ERBB4: variants seen among roughly 807,000 people sequenced by gnomAD.
ERBB4 encodes erb-b2 receptor tyrosine kinase 4, also known as receptor tyrosine-protein kinase erbB-4.
A neutral mutation model predicts 158.0 loss-of-function variants in ERBB4; 42 were observed. The observed-to-expected ratio is 0.27, with a 90% CI of 0.21 to 0.34. ERBB4 has a LOEUF of 0.34. Ranked by LOEUF, ERBB4 falls within the 10% of genes least tolerant of loss-of-function variation. ERBB4 has a pLI of 1.00. For missense variants in ERBB4, 1,333 were observed against 1,624.1 expected (o/e 0.82, Z 3.08); for synonymous variants, 583 against 558.7 (o/e 1.04, Z -0.61).
intron 19 of ERBB4, among the ~76,000 whole-genome samples, chr2:211,585,124 G>A (rs189314881): frequency 3.9e-5 from 6 of 151,980 alleles, no homozygotes; most frequent in African/African-American, 1.2e-4. Flanking sequence ...AGGCCGAGGC[G>A]GGCGGATCAC....
Position 211,894,561 on chromosome 2 carries a change from TA to T in ERBB4, c.421+52868del, listed in dbSNP as rs201066895. 4.4e-3 allele frequency among the ~76,000 whole-genome samples: 662 copies of T among 149,884 alleles called. 3 individuals carry two copies. Among genetic ancestry groups the T allele is most frequent in the Non-Finnish European group, 5.7e-3 (384 of 67,318 alleles). Reference sequence around the variant, plus strand: ...ATGTACCCTAAAACTTAAAGTATAATAAAAAAAAAATTCATTTCACTAAACT... The same window carrying T: ...ATGTACCCTAAAACTTAAAGTATAATAAAAAAAAATTCATTTCACTAAACT... On this transcript the variant is annotated intron_variant, in intron 3 of 27. Coordinates refer to ENST00000342788, the MANE Select transcript of ERBB4 (RefSeq NM_005235.3).
intron 1 of ERBB4, among the ~76,000 whole-genome samples, chr2:212,206,479 C>A (rs1033711242): frequency 1.1e-4 from 17 of 151,768 alleles, no homozygotes; most frequent in Non-Finnish European, 2.4e-4. Context: ...TATTTAAAAT[C>A]TCATTATTAT....
At chr2:211,570,848 C>G (rs1282903125) in intron 19 of ERBB4, among the ~76,000 whole-genome samples, 1 of 152,026 alleles carries the variant, frequency 6.6e-6, no homozygotes, top group Non-Finnish European at 1.5e-5. Flanking sequence ...TAAATTCTTA[C>G]CCCTCAAATT....
chr2:212,336,771 T>C (rs1242325962), intron 1 of ERBB4, among the ~76,000 whole-genome samples: 1 of 152,110 alleles, frequency 6.6e-6, no homozygotes, highest in Non-Finnish European at 1.5e-5. Flanking sequence ...CACTTTGCAC[T>C]GAGATTAGGC....
intron 1 of ERBB4, among the ~76,000 whole-genome samples, chr2:212,207,416 C>T (rs12468821): frequency 0.68 from 103,542 of 152,046 alleles, 35,520 homozygotes; most frequent in East Asian, 0.81. Flanking sequence ...GCATCTGTTT[C>T]TATATGATAA....
intron 3 of ERBB4, among the ~76,000 whole-genome samples, chr2:211,790,311 G>T (rs2076252602): frequency 6.6e-6 from 1 of 151,604 alleles, no homozygotes; most frequent in Admixed American, 6.6e-5. Context: ...ATTTAGAAAA[G>T]TTCTACTTAA....
intron 1 of ERBB4, among the ~76,000 whole-genome samples, chr2:212,455,363 A>T (rs1688233747): frequency 1.6e-5 from 2 of 123,530 alleles, no homozygotes; most frequent in African/African-American, 5.1e-5. Flanking sequence ...TCCTAATCTT[A>T]TCGTTTTCTC....
intron 1 of ERBB4, among the ~76,000 whole-genome samples, chr2:212,166,167 T>C (rs1265411673): frequency 1.3e-5 from 2 of 151,998 alleles, no homozygotes; most frequent in African/African-American, 4.8e-5. Context: ...TTAAAGAAAA[T>C]AGACACAGTC....
chr2:211,887,047 T>C (rs973780854), intron 3 of ERBB4, among the ~76,000 whole-genome samples: 2 of 152,194 alleles, frequency 1.3e-5, no homozygotes, highest in African/African-American at 4.8e-5. Flanking sequence ...TTTTTGGACT[T>C]TTTTTCTTAT....
chr2:212,329,687 C>G (rs1439524638), intron 1 of ERBB4, among the ~76,000 whole-genome samples: 2 of 152,010 alleles, frequency 1.3e-5, no homozygotes, highest in Non-Finnish European at 2.9e-5. Flanking sequence ...AAGTGGGCAG[C>G]CAGGTTTGTA....
At chr2:212,169,983 T>C (rs939059507) in intron 1 of ERBB4, among the ~76,000 whole-genome samples, 5 of 152,112 alleles carry the variant, frequency 3.3e-5, no homozygotes, top group Non-Finnish European at 5.9e-5. Flanking sequence ...TGAAATGGAC[T>C]AAAACAGTAA....
In ERBB4 at chr2:212,320,507, C is replaced by T. The variant is rs1046682144; in HGVS notation, c.83-195604G>A. 3.9e-4 allele frequency among the ~76,000 whole-genome samples: 23 copies of T among 59,490 alleles called. 2 individuals carry two copies. The highest frequency in any genetic ancestry group is 6.4e-4 in the Non-Finnish European group (16 of 24,820). The allele number at this position is 59,490 out of a possible 152,430, so 39.0% of individuals were successfully genotyped here. The stretch of plus-strand genomic sequence containing the variant: ...ACAGGACTAAAGGAAAATGTATTTA[C>T]ATGACAGAAAAAAAAAAACAACACA... On this transcript the variant is annotated intron_variant, in intron 1 of 27. Coordinates refer to ENST00000342788, the MANE Select transcript of ERBB4 (RefSeq NM_005235.3).
intron 2 of ERBB4, among the ~76,000 whole-genome samples, chr2:211,971,417 A>G (rs574680829): frequency 6.6e-6 from 1 of 152,264 alleles, no homozygotes; most frequent in South Asian, 2.1e-4. Context: ...AGTAATAAAT[A>G]TCCTACAAGC....
chr2:211,751,296 TCTC>T (rs2075124333), intron 4 of ERBB4, among the ~76,000 whole-genome samples: 1 of 152,170 alleles, frequency 6.6e-6, no homozygotes, highest in Non-Finnish European at 1.5e-5. Flanking sequence ...TAAGCCTTAA[TCTC>T]CTATAGTGGC....
intron 1 of ERBB4, among the ~76,000 whole-genome samples, chr2:212,269,715 G>A (rs1237419138): frequency 6.6e-6 from 1 of 151,790 alleles, no homozygotes; most frequent in East Asian, 1.9e-4. Context: ...TAATACTCAA[G>A]TCTAGTTTCT....
chr2:212,347,292 A>G (rs1410602723), intron 1 of ERBB4, among the ~76,000 whole-genome samples: 3 of 152,104 alleles, frequency 2.0e-5, no homozygotes, highest in Admixed American at 2.0e-4. Flanking sequence ...TAGTTATTTC[A>G]GAAGTGTCCA....
At chr2:212,394,135 A>G (rs1274885528) in intron 1 of ERBB4, among the ~76,000 whole-genome samples, 1 of 152,086 alleles carries the variant, frequency 6.6e-6, no homozygotes, top group South Asian at 2.1e-4. Context: ...TTTAAATTCT[A>G]TTTGTTACAG....
At chr2:211,775,892 T>TAA (rs1375883183) in intron 4 of ERBB4, among the ~76,000 whole-genome samples, 1 of 152,180 alleles carries the variant, frequency 6.6e-6, no homozygotes, top group African/African-American at 2.4e-5. Context: ...TGTGTATACT[T>TAA]ATGCTTAATC....
In ERBB4 at chr2:211,593,598, T is replaced by C. The variant is rs542684090; in HGVS notation, c.2301+25579A>G. Reference sequence around the variant, plus strand: ...TCTGTCTTGCATTATTCTAAGTATCTTAGCTTCTCCCATCAAATGCAGTTA... The same window carrying C: ...TCTGTCTTGCATTATTCTAAGTATCCTAGCTTCTCCCATCAAATGCAGTTA... On this transcript the variant is annotated intron_variant, in intron 19 of 27. Transcript: ENST00000342788. 1.2e-4 allele frequency among the ~76,000 whole-genome samples: 19 copies of C among 152,340 alleles called. No individual in the cohort carries two copies. In the South Asian group the frequency reaches 3.9e-3, roughly 32 times the overall value.
Sources: gnomAD v4.1 joint callset for allele counts (sites outside exome capture counted in the v4.1 genomes callset) on GRCh38, gnomAD v4.1.1 for gene constraint, MANE v1.5 for transcripts, NCBI Gene and HGNC (gene_info 2026-07-23, HGNC 2026-07-21) for gene names.